Variants in GTF2IRD1 observed in about 807,000 individuals in gnomAD.
GTF2IRD1 encodes the protein general transcription factor II-I repeat domain-containing protein 1.
In GTF2IRD1, 26 loss-of-function variants were observed where a neutral mutation model predicts 113.2. The observed-to-expected ratio is 0.23, with a 90% confidence interval of 0.17 to 0.32. GTF2IRD1 has a LOEUF of 0.32. Ranked by LOEUF, GTF2IRD1 falls within the 10% of genes least tolerant of loss-of-function variation. The pLI is 1.00. For missense variants in GTF2IRD1, 864 were observed against 1,280.8 expected, an observed-to-expected ratio of 0.67 and a Z score of 4.97; for synonymous variants, 484 against 529.1, an observed-to-expected ratio of 0.91 and a Z score of 1.17.
At chr7:74,565,458 G>A (rs1177231020) in intron 22 of GTF2IRD1, among the ~76,000 whole-genome samples, 1 of 152,168 alleles carries the variant, frequency 6.6e-6, no homozygotes, top group Non-Finnish European at 1.5e-5. Flanking sequence ...CTGGGAGGCA[G>A]AGGTTGCAGT....
At chr7:74,520,549 T>G (rs1797223117) in intron 6 of GTF2IRD1, among the ~76,000 whole-genome samples, 2 of 152,108 alleles carry the variant, frequency 1.3e-5, no homozygotes, top group Admixed American at 1.3e-4. Context: ...CACTGCAGTC[T>G]TGCTGAATCT....
chr7:74,538,830 C>G, intron 13 of GTF2IRD1, 70 bp downstream of exon 13: 1 of 855,656 alleles, frequency 1.2e-6, no homozygotes, highest in Non-Finnish European at 2.0e-6. Flanking sequence ...GAGGGTCTGC[C>G]CTGGTGAAGA....
chr7:74,552,816 G>A (rs1799388624), intron 17 of GTF2IRD1, among the ~76,000 whole-genome samples: 1 of 151,860 alleles, frequency 6.6e-6, no homozygotes, highest in Admixed American at 6.6e-5. Context: ...TTGTGGGTTG[G>A]TTTTTTTGTT....
intron 1 of GTF2IRD1, among the ~76,000 whole-genome samples, chr7:74,469,788 C>G (rs1562774668): frequency 6.6e-6 from 1 of 152,014 alleles, no homozygotes; most frequent in Non-Finnish European, 1.5e-5. Context: ...ACTGCAGCCT[C>G]AAACTCCTGG....
chr7:74,527,894 C>T (rs1797700246), intron 8 of GTF2IRD1, among the ~76,000 whole-genome samples: 2 of 152,056 alleles, frequency 1.3e-5, no homozygotes, highest in South Asian at 2.1e-4. Context: ...TAGCTGGGGT[C>T]GAAGTGAATG....
chr7:74,579,434 A>G (rs1481431860), intron 22 of GTF2IRD1, among the ~76,000 whole-genome samples: 4 of 152,138 alleles, frequency 2.6e-5, no homozygotes, highest in African/African-American at 9.7e-5. Context: ...CCTGACCAAC[A>G]TGATGAAACC....
At chr7:74,489,770 G>T (rs1023155410) in intron 1 of GTF2IRD1, among the ~76,000 whole-genome samples, 3 of 152,190 alleles carry the variant, frequency 2.0e-5, no homozygotes, top group African/African-American at 7.2e-5. Context: ...GCCTTGCTCT[G>T]AGCCTTGGAG....
At chr7:74,570,817 A>G (rs2130865389) in intron 22 of GTF2IRD1, among the ~76,000 whole-genome samples, 1 of 152,246 alleles carries the variant, frequency 6.6e-6, no homozygotes, top group Admixed American at 6.5e-5. Flanking sequence ...GAGAGGAGAA[A>G]GGGACAAGAG....
chr7:74,534,607 G>T (rs1275351922), intron 9 of GTF2IRD1, among the ~76,000 whole-genome samples: 2 of 152,158 alleles, frequency 1.3e-5, no homozygotes, highest in East Asian at 3.9e-4. Flanking sequence ...AGAGCTGGGG[G>T]AGCGAGGCTG....
chr7:74,477,855 C>T (rs1794514002), intron 1 of GTF2IRD1, among the ~76,000 whole-genome samples: 3 of 152,086 alleles, frequency 2.0e-5, no homozygotes, highest in Admixed American at 2.0e-4. Context: ...CTTTTCCCGA[C>T]AAGAAAAGGC....
intron 6 of GTF2IRD1, among the ~76,000 whole-genome samples, chr7:74,520,147 G>A (rs961522336): frequency 6.8e-6 from 1 of 148,060 alleles, no homozygotes; most frequent in Non-Finnish European, 1.5e-5. Flanking sequence ...GGTGTCAAAG[G>A]TGGGAGATCC....
intron 2 of GTF2IRD1, among the ~76,000 whole-genome samples, chr7:74,508,980 A>G (rs2299956): frequency 0.1 from 15,538 of 152,074 alleles, 1,968 homozygotes; most frequent in East Asian, 0.39. Context: ...TAGACCTATA[A>G]CAATTTATCC....
intron 22 of GTF2IRD1, among the ~76,000 whole-genome samples, chr7:74,573,394 C>T (rs1355436633): frequency 1.3e-5 from 2 of 150,524 alleles, no homozygotes; most frequent in Admixed American, 6.6e-5. Flanking sequence ...AGAGCAAGAC[C>T]TTCTCTCAAA....
At position 74,599,413 on chromosome 7, in the gene GTF2IRD1, C is replaced by G. The variant is rs138328127; in HGVS notation, c.2630-1631C>G. ...AACCACAGAACACCTGCTGACCCCT[C>G]CTCCGTGCTGAACTAGGTGCTGGGT... On this transcript the variant is annotated intron_variant, in intron 25 of 26. Coordinates refer to ENST00000424337, the MANE Select transcript of GTF2IRD1 (RefSeq NM_005685.4). Among the ~76,000 whole-genome samples, 429 of 152,332 alleles carry G rather than the reference C, an allele frequency of 2.8e-3. 2 individuals carry two copies. The highest frequency in any genetic ancestry group is 9.8e-3 in the African/African-American group (408 of 41,592).
At chr7:74,588,823 T>C (rs587708661) in intron 22 of GTF2IRD1, among the ~76,000 whole-genome samples, 1 of 152,260 alleles carries the variant, frequency 6.6e-6, no homozygotes, top group Admixed American at 6.5e-5. Context: ...TGAGCCACCA[T>C]GTCAGGCCTT....
intron 1 of GTF2IRD1, among the ~76,000 whole-genome samples, chr7:74,459,184 G>C (rs1455440793): frequency 6.6e-6 from 1 of 152,158 alleles, no homozygotes; most frequent in Non-Finnish European, 1.5e-5. Flanking sequence ...GGGTGCGGTG[G>C]CTCATGCCTG....
chr7:74,573,398 T>C (rs1800808914), intron 22 of GTF2IRD1, among the ~76,000 whole-genome samples: 1 of 147,146 alleles, frequency 6.8e-6, no homozygotes. Flanking sequence ...CAAGACCTTC[T>C]CTCAAAAAAA....
In GTF2IRD1 at chr7:74,581,112, C is replaced by T. The variant is rs1323668351; in HGVS notation, c.2321-8739C>T. 2.0e-5 allele frequency among the ~76,000 whole-genome samples: 3 copies of T among 152,048 alleles called. No homozygotes were observed. In the East Asian group the frequency reaches 5.8e-4, roughly 29 times the overall value. ...TCGGCTCACTGCAACCTCCGCCTCC[C>T]GGGTTCAAGTGATTCTCCTGCCTCA... On this transcript the variant is annotated intron_variant, in intron 22 of 26. Transcript: ENST00000424337.
Position 74,547,408 on chromosome 7 carries a change from C to G in GTF2IRD1, c.1916+122C>G, listed in dbSNP as rs1583853797. The G allele has an allele frequency of 5.7e-6, 4 of 702,750 alleles. No individual in the cohort carries two copies. In the East Asian group the frequency reaches 1.1e-4, roughly 20 times the overall value. The allele number at this position is 702,750 out of a possible 1,614,324, so 43.5% of individuals were successfully genotyped here. A position where few individuals can be genotyped will look rare whatever the true frequency, so the allele number is the denominator to read the frequency against. ...TCAGCCACCTGAATAGCTGGGACCA[C>G]AGGTGTGAGGTGTGTGCCACCATGC... On this transcript the variant is annotated intron_variant, in intron 17 of 26. Transcript: ENST00000424337.
Sources: allele counts gnomAD v4.1 joint callset (sites outside exome capture counted in the v4.1 genomes callset), GRCh38; gene constraint gnomAD v4.1.1; transcripts MANE v1.5; gene names NCBI Gene and HGNC (gene_info 2026-07-23, HGNC 2026-07-21).